Variants in FBXL7 observed in about 807,000 individuals in gnomAD.
FBXL7 encodes F-box and leucine rich repeat protein 7.
In FBXL7, 12 loss-of-function variants were observed where a neutral mutation model predicts 38.3. The observed-to-expected ratio is 0.31, with a 90% CI of 0.20 to 0.51. The LOEUF is 0.51. Among genes scored for constraint, FBXL7 ranks in the 20% least tolerant of loss-of-function variants. The pLI, the probability that FBXL7 is intolerant of heterozygous loss-of-function variation, is 0.98. For synonymous variants in FBXL7, 297 were observed against 300.9 expected, an observed-to-expected ratio of 0.99 and a Z score of 0.13; for missense variants, 567 against 676.4, an observed-to-expected ratio of 0.84 and a Z score of 1.79.
At chr5:15,899,478 T>C (rs1008593082) in intron 2 of FBXL7, among the ~76,000 whole-genome samples, 1 of 152,230 alleles carries the variant, frequency 6.6e-6, no homozygotes, top group Non-Finnish European at 1.5e-5. Context: ...AAAAAGGAGT[T>C]ATCATTGAGA....
Position 15,519,329 on chromosome 5 carries a change from C to T in FBXL7, c.37+18616C>T, listed in dbSNP as rs959786356. ...CTGCACTCCAGCCTGGGTGACAGAGCGAGACTCCATCTCAAAAAAAAATTC... is the reference window on the plus strand; with the variant it reads ...CTGCACTCCAGCCTGGGTGACAGAGTGAGACTCCATCTCAAAAAAAAATTC... On this transcript the variant is annotated intron_variant, in intron 1 of 3. Transcript: ENST00000504595. Among the ~76,000 whole-genome samples the T allele has an allele frequency of 3.3e-5, 5 of 151,816 alleles. No individual in the cohort carries two copies. In the East Asian group the frequency reaches 5.8e-4, roughly 18 times the overall value.
intron 2 of FBXL7, among the ~76,000 whole-genome samples, chr5:15,764,544 G>A (rs1579443697): frequency 6.6e-6 from 1 of 152,190 alleles, no homozygotes; most frequent in Non-Finnish European, 1.5e-5. Context: ...GATGAGGAGG[G>A]ATAGGAGTTA....
chr5:15,620,999 C>G (rs1034758762), intron 2 of FBXL7, among the ~76,000 whole-genome samples: 12 of 152,212 alleles, frequency 7.9e-5, no homozygotes, highest in Admixed American at 2.0e-4. Context: ...TCCTGTCTAT[C>G]CAGTGTTCCA....
intron 1 of FBXL7, among the ~76,000 whole-genome samples, chr5:15,523,095 G>A (rs1467628415): frequency 6.6e-6 from 1 of 152,192 alleles, no homozygotes; most frequent in Non-Finnish European, 1.5e-5. Flanking sequence ...GGGTGGCACA[G>A]ATAGAACATT....
At chr5:15,633,125 T>C (rs530939574) in intron 2 of FBXL7, among the ~76,000 whole-genome samples, 11 of 152,298 alleles carry the variant, frequency 7.2e-5, no homozygotes, top group African/African-American at 2.6e-4. Flanking sequence ...AGGACTATAT[T>C]TGAAGAGGAA....
At chr5:15,620,921 C>G (rs1218039966) in intron 2 of FBXL7, among the ~76,000 whole-genome samples, 1 of 152,208 alleles carries the variant, frequency 6.6e-6, no homozygotes, top group Non-Finnish European at 1.5e-5. Flanking sequence ...GCACCCAACC[C>G]TAATGGTAAA....
intron 2 of FBXL7, among the ~76,000 whole-genome samples, chr5:15,812,789 T>G (rs1375117393): frequency 6.6e-6 from 1 of 152,188 alleles, no homozygotes; most frequent in Non-Finnish European, 1.5e-5. Flanking sequence ...CATTTGTTTG[T>G]GTTCTCTCTT....
chr5:15,727,708 G>A (rs1187859734), intron 2 of FBXL7, among the ~76,000 whole-genome samples: 1 of 152,034 alleles, frequency 6.6e-6, no homozygotes, highest in Non-Finnish European at 1.5e-5. Flanking sequence ...GTCACTTTGA[G>A]GTTACATTAT....
At chr5:15,883,223 G>A (rs1307760179) in intron 2 of FBXL7, among the ~76,000 whole-genome samples, 1 of 152,212 alleles carries the variant, frequency 6.6e-6, no homozygotes, top group East Asian at 1.9e-4. Flanking sequence ...TCTTGGTATA[G>A]ATGCTGCCTA....
At position 15,876,372 on chromosome 5, in the gene FBXL7, CAT is replaced by C. The variant is rs200361273; in HGVS notation, c.128-51517_128-51516del. On this transcript the variant is annotated intron_variant, in intron 2 of 3. Coordinates refer to ENST00000504595, the MANE Select transcript of FBXL7 (RefSeq NM_012304.5). ...ATGTAAGAAACCTGAACGTTCTACA[CAT>C]GTGTCCCAGAACTTAAAGTATAATA... Among the ~76,000 whole-genome samples, 15 of 151,962 alleles carry C rather than the reference CAT, an allele frequency of 9.9e-5. No individual in the cohort carries two copies. In the East Asian group the frequency reaches 2.5e-3, roughly 25 times the overall value.
At chr5:15,626,752 A>T (rs1162617842) in intron 2 of FBXL7, among the ~76,000 whole-genome samples, 2 of 152,226 alleles carry the variant, frequency 1.3e-5, no homozygotes, top group East Asian at 3.8e-4. Context: ...TTCCAAAAAA[A>T]GCACCAAAAA....
intron 2 of FBXL7, among the ~76,000 whole-genome samples, chr5:15,872,930 C>G (rs1017020743): frequency 7.0e-6 from 1 of 142,096 alleles, no homozygotes; most frequent in South Asian, 2.1e-4. Flanking sequence ...ACCAAGTGGA[C>G]CTAATAGACA....
At chr5:15,533,404 T>C (rs1175568875) in intron 1 of FBXL7, among the ~76,000 whole-genome samples, 1 of 152,204 alleles carries the variant, frequency 6.6e-6, no homozygotes, top group Non-Finnish European at 1.5e-5. Flanking sequence ...TGAGTGATAT[T>C]AAGCATTGTT....
chr5:15,697,026 A>G (rs185029202), intron 2 of FBXL7, among the ~76,000 whole-genome samples: 31 of 152,314 alleles, frequency 2.0e-4, no homozygotes, highest in Non-Finnish European at 3.7e-4. Context: ...TGATCAATAA[A>G]TGTTGCTGTG....
At chr5:15,746,716 G>A (rs1736024476) in intron 2 of FBXL7, among the ~76,000 whole-genome samples, 1 of 152,150 alleles carries the variant, frequency 6.6e-6, no homozygotes, top group South Asian at 2.1e-4. Context: ...TAAAGTTATG[G>A]ACTAGATAAG....
chr5:15,672,033 A>G (rs1417696507), intron 2 of FBXL7, among the ~76,000 whole-genome samples: 1 of 152,336 alleles, frequency 6.6e-6, no homozygotes, highest in East Asian at 1.9e-4. Flanking sequence ...AATGTTAGTT[A>G]CTGTAAAAAT....
Position 15,876,493 on chromosome 5 carries a change from A to G in FBXL7, c.128-51397A>G, listed in dbSNP as rs570674885. On this transcript the variant is annotated intron_variant, in intron 2 of 3. Coordinates refer to ENST00000504595, the MANE Select transcript of FBXL7 (RefSeq NM_012304.5). ...GAAAATATGACATTTTAGTTGATTA[A>G]TTTATAGCTAATGTGTTGATTTTGC... 2.0e-5 allele frequency among the ~76,000 whole-genome samples: 3 copies of G among 152,258 alleles called. No individual in the cohort carries two copies. The South Asian group carries it at 6.2e-4, about 32-fold the overall frequency.
chr5:15,654,432 AGGC>A (rs761938363), intron 2 of FBXL7, among the ~76,000 whole-genome samples: 1 of 150,046 alleles, frequency 6.7e-6, no homozygotes, highest in Non-Finnish European at 1.5e-5. Flanking sequence ...AAAAAAAAAA[AGGC>A]AAAACTGTTT....
chr5:15,733,604 G>C (rs941129684), intron 2 of FBXL7, among the ~76,000 whole-genome samples: 1 of 152,072 alleles, frequency 6.6e-6, no homozygotes, highest in African/African-American at 2.4e-5. Flanking sequence ...GCCTATAAAA[G>C]GGGCAGAGGC....
Sources: gnomAD v4.1 joint callset for allele counts (sites outside exome capture counted in the v4.1 genomes callset) on GRCh38, gnomAD v4.1.1 for gene constraint, MANE v1.5 for transcripts, NCBI Gene and HGNC (gene_info 2026-07-23, HGNC 2026-07-21) for gene names.